The following MED13 variants were observed in gnomAD, a reference collection of about 807,000 sequenced individuals.
MED13 encodes mediator complex subunit 13, also known as mediator of RNA polymerase II transcription subunit 13.
Under a neutral mutation model 225.2 loss-of-function variants are expected in MED13, and 23 were observed. That is an observed-to-expected ratio of 0.10 (90% CI 0.07 to 0.14). The LOEUF (loss-of-function observed/expected upper bound fraction) is 0.14. Among genes scored for constraint, MED13 ranks in the 10% least tolerant of loss-of-function variants. The probability of loss-of-function intolerance (pLI) is 1.00; values close to 1 mark genes in which losing one functional copy is unlikely to be tolerated. For synonymous variants in MED13, 942 were observed against 889.2 expected (o/e 1.06, Z -1.06); for missense variants, 2,197 against 2,594.5 (o/e 0.85, Z 3.33).
intron 9 of MED13, among the ~76,000 whole-genome samples, chr17:62,002,604 GGA>G (rs1310344690): frequency 3.3e-5 from 5 of 151,738 alleles, no homozygotes; most frequent in Admixed American, 6.6e-5. Context: ...CTTTCTACAA[GGA>G]GACAACTATT....
At position 61,999,838 on chromosome 17, in the gene MED13, C is replaced by T. The variant is rs2080378710; in HGVS notation, c.1968-4473G>A. On this transcript the variant is annotated intron_variant, in intron 9 of 29. Transcript: ENST00000397786. Reference sequence around the variant, plus strand: ...TTGGGAGGCCAAGGTAGTAGCATCACCGGAGACCAGGAGTTCAAGACCAGC... The same window carrying T: ...TTGGGAGGCCAAGGTAGTAGCATCATCGGAGACCAGGAGTTCAAGACCAGC... 2.0e-5 allele frequency among the ~76,000 whole-genome samples: 3 copies of T among 152,072 alleles called. No homozygotes were observed. In the South Asian group the frequency reaches 6.2e-4, roughly 32 times the overall value.
rs752679831 is a variant in MED13 at position 62,009,904 on chromosome 17, TA to T, written c.1967+645del. 9.9e-5 allele frequency among the ~76,000 whole-genome samples: 15 copies of T among 152,198 alleles called. No individual in the cohort carries two copies. In the East Asian group the frequency reaches 2.5e-3, roughly 25 times the overall value. On this transcript the variant is annotated intron_variant, in intron 9 of 29. Transcript: ENST00000397786. ...AAATGAATAACTAGAGCTACACGTA[TA>T]AAAACATGTACTGAAATAATAAGTA...
chr17:61,950,978 T>C lies in MED13; in HGVS notation c.6138A>G (p.Leu2046=), dbSNP rs1006533910. The C allele has an allele frequency of 6.2e-7, 1 of 1,613,530 alleles. No individual in the cohort carries two copies. Among genetic ancestry groups the C allele is most frequent in the Non-Finnish European group, 8.5e-7 (1 of 1,179,624 alleles). ...DAGKGQSTDR[L]LSTEPHEEVP... ...CTTCCTCATGAGGTTCTGTTGATAG[T>C]AGCCGATCAGTACTCTGACCCTTAA... The change falls in exon 28 of 30, where the codon CTA becomes CTG. Residue 2046 remains leucine, a synonymous_variant. Transcript: ENST00000397786.
At chr17:62,031,260 A>G in intron 6 of MED13, 184 bp downstream of exon 6, 1 of 529,774 alleles carries the variant, frequency 1.9e-6, no homozygotes, top group Non-Finnish European at 3.2e-6. Flanking sequence ...ATGAATGTAC[A>G]TCATACAGAC....
At chr17:62,009,192 A>G (rs1367057346) in intron 9 of MED13, among the ~76,000 whole-genome samples, 1 of 152,214 alleles carries the variant, frequency 6.6e-6, no homozygotes, top group Non-Finnish European at 1.5e-5. Flanking sequence ...ATTTATATGT[A>G]AAAGGCTTAT....
intron 3 of MED13, among the ~76,000 whole-genome samples, chr17:62,040,075 C>T (rs190753660): frequency 2.6e-5 from 4 of 152,176 alleles, no homozygotes; most frequent in Middle Eastern, 3.4e-3. Flanking sequence ...CCCAAATCTC[C>T]GAAATCCTTA....
chr17:61,946,458 C>T lies in MED13; in HGVS notation c.*10G>A. On this transcript the variant is annotated 3_prime_UTR_variant, in exon 30 of 30. Coordinates refer to ENST00000397786, the MANE Select transcript of MED13 (RefSeq NM_005121.3). ...TTGTTCTTTTCTTGCACAGTTCCAT[C>T]AAATGAAGATCACAGCATATTCATA... 1 of 1,611,008 alleles carries T rather than the reference C, an allele frequency of 6.2e-7. No individual in the cohort carries two copies. The highest frequency in any genetic ancestry group is 8.5e-7 in the Non-Finnish European group (1 of 1,178,846).
chr17:62,049,691 G>C (rs1028960834), intron 3 of MED13, among the ~76,000 whole-genome samples: 2 of 152,156 alleles, frequency 1.3e-5, no homozygotes, highest in African/African-American at 4.8e-5. Context: ...CAGCACTTGG[G>C]GAGGCCGAGG....
At chr17:61,978,335 T>C (rs2080174465) in intron 16 of MED13, among the ~76,000 whole-genome samples, 1 of 152,114 alleles carries the variant, frequency 6.6e-6, no homozygotes, top group African/African-American at 2.4e-5. Context: ...CACTGCAATA[T>C]CCACCTCATG....
chr17:61,948,808 CG>C (rs1467770287), intron 28 of MED13, among the ~76,000 whole-genome samples: 2 of 150,128 alleles, frequency 1.3e-5, no homozygotes, highest in African/African-American at 2.4e-5. Context: ...GAGTCACGGC[CG>C]GGCGCGGTGG....
In MED13 at chr17:61,984,197, C is replaced by G; in HGVS notation, c.2862G>C (p.Gly954=). ...TVGKLELLSS[G]PSMPFIKEGD... The stretch of plus-strand genomic sequence containing the variant: ...CCTCTTTGATGAATGGCATTGAAGG[C>G]CCTGAAGAAAGCAATTCCAATTTTC... The change falls in exon 15 of 30, where the codon GGG becomes GGC. Residue 954 remains glycine (G), a synonymous_variant. Coordinates refer to ENST00000397786, the MANE Select transcript of MED13 (RefSeq NM_005121.3). 1 of 1,589,710 alleles carries G rather than the reference C, an allele frequency of 6.3e-7. No individual in the cohort carries two copies. The highest frequency in any genetic ancestry group is 1.1e-5 in the South Asian group (1 of 86,974).
rs950318717 is a variant in MED13 at position 62,043,320 on chromosome 17, ACAT to A, written c.471-7715_471-7713del. ...AAAATTGACCATGCAAATTCTAGTG[ACAT>A]CATCATTTAAGATTTCAGAAATGAT... On this transcript the variant is annotated intron_variant, in intron 3 of 29. Transcript: ENST00000397786. Among the ~76,000 whole-genome samples the A allele has an allele frequency of 1.8e-4, 27 of 152,158 alleles. 1 individual carries two copies. Among genetic ancestry groups the A allele is most frequent in the Non-Finnish European group, 1.0e-4 (7 of 68,040 alleles).
At chr17:62,010,295 CTG>C (rs1469081885) in intron 9 of MED13, 2 of 310,252 alleles carry the variant, frequency 6.4e-6, no homozygotes, top group Admixed American at 4.9e-5. Flanking sequence ...GGAATTCTAA[CTG>C]TATGTAAAAT....
intron 3 of MED13, among the ~76,000 whole-genome samples, chr17:62,045,526 TA>T (rs762712861): frequency 1.1e-3 from 157 of 143,992 alleles, no homozygotes; most frequent in Admixed American, 9.7e-4. Flanking sequence ...TGTCTCTATT[TA>T]AAAAAAAAAA....
intron 21 of MED13, 81 bp from the exon 22 acceptor site, chr17:61,961,860 C>G: frequency 7.7e-7 from 1 of 1,298,698 alleles, no homozygotes; most frequent in South Asian, 1.3e-5. Flanking sequence ...ACTCTAAAAA[C>G]TTTTTACTAG....
At chr17:62,015,884 TATACAC>T (rs1321599977) in intron 8 of MED13, among the ~76,000 whole-genome samples, 1 of 99,320 alleles carries the variant, frequency 1.0e-5, no homozygotes, top group African/African-American at 3.6e-5. Context: ...TGTGTATATA[TATACAC>T]ACACACACAC....
chr17:61,952,185 G>A lies in MED13; in HGVS notation c.6117+780C>T, dbSNP rs1023329141. ...TGGGATTACAGACGTGAGCCACCGC[G>A]CCCAGCCCAGTATATATAATTTCAA... is the stretch of plus-strand genomic sequence containing the variant. On this transcript the variant is annotated intron_variant, in intron 27 of 29. Coordinates refer to ENST00000397786, the MANE Select transcript of MED13 (RefSeq NM_005121.3). 7.9e-5 allele frequency among the ~76,000 whole-genome samples: 12 copies of A among 152,090 alleles called. 1 individual carries two copies. The highest frequency in any genetic ancestry group is 1.9e-4 in the East Asian group (1 of 5,176).
At chr17:61,970,334 C>G (rs1415867978) in intron 17 of MED13, among the ~76,000 whole-genome samples, 1 of 152,078 alleles carries the variant, frequency 6.6e-6, no homozygotes, top group Non-Finnish European at 1.5e-5. Context: ...AATCAGCATC[C>G]TACTAGGCAA....
chr17:61,984,272 G>A lies in MED13; in HGVS notation c.2787C>T (p.Pro929=). 1 of 1,611,458 alleles carries A rather than the reference G, an allele frequency of 6.2e-7. No individual in the cohort carries two copies. The highest frequency in any genetic ancestry group is 1.1e-5 in the South Asian group (1 of 90,614). Residue 929 remains proline (P), a synonymous_variant, in exon 15 of 30, where the codon CCC becomes CCT. Coordinates refer to ENST00000397786, the MANE Select transcript of MED13 (RefSeq NM_005121.3). The stretch of plus-strand genomic sequence containing the variant: ...TACACTCTTCTGGCAATTTGATAGG[G>A]GGCAGATATTGGCTTGGTAGAGTTT... The part of the protein sequence containing the change: ...PLKTLPSQYL[P]PIKLPEECIY...
Sources: allele counts gnomAD v4.1 joint callset (sites outside exome capture counted in the v4.1 genomes callset), GRCh38; gene constraint gnomAD v4.1.1; transcripts MANE v1.5; gene names NCBI Gene and HGNC (gene_info 2026-07-23, HGNC 2026-07-21).